The following ZNRF3 variants were observed in gnomAD, a reference collection of about 807,000 sequenced individuals.
ZNRF3 encodes zinc and ring finger 3.
Under a neutral mutation model 72.5 loss-of-function variants are expected in ZNRF3, and 23 were observed. The ratio of observed to expected loss-of-function variants is 0.32; its 90% CI spans 0.23 to 0.45. ZNRF3 has a LOEUF of 0.45. Ranked by LOEUF, ZNRF3 falls within the 20% of genes least tolerant of loss-of-function variation. ZNRF3 has a pLI of 1.00. For missense variants in ZNRF3, 1,169 were observed against 1,272.1 expected (o/e 0.92, Z 1.23); for synonymous variants, 610 against 545.3 (o/e 1.12, Z -1.65).
At chr22:28,891,387 T>C (rs1400104078) in intron 1 of ZNRF3, among the ~76,000 whole-genome samples, 1 of 152,232 alleles carries the variant, frequency 6.6e-6, no homozygotes, top group Non-Finnish European at 1.5e-5. Flanking sequence ...TTAAATTGTA[T>C]ATTGGGTTTA....
intron 2 of ZNRF3, among the ~76,000 whole-genome samples, chr22:29,004,344 G>A (rs1025405936): frequency 2.6e-5 from 4 of 152,206 alleles, no homozygotes; most frequent in Non-Finnish European, 4.4e-5. Context: ...TTTCTCTCCC[G>A]TTAAATTGGA....
intron 1 of ZNRF3, among the ~76,000 whole-genome samples, chr22:28,910,964 G>T (rs1391225193): frequency 6.6e-6 from 1 of 152,184 alleles, no homozygotes; most frequent in Non-Finnish European, 1.5e-5. Context: ...CCATGGCAGG[G>T]CGGGGAGAAA....
intron 1 of ZNRF3, among the ~76,000 whole-genome samples, chr22:28,968,963 C>T (rs896341510): frequency 1.3e-5 from 2 of 152,138 alleles, no homozygotes; most frequent in Non-Finnish European, 2.9e-5. Context: ...AGTGACATGT[C>T]AGGACCACCA....
chr22:28,976,976 C>A (rs1055848226), intron 1 of ZNRF3, among the ~76,000 whole-genome samples: 1 of 152,114 alleles, frequency 6.6e-6, no homozygotes, highest in Non-Finnish European at 1.5e-5. Context: ...AATTCTCTGA[C>A]AAAATGAAAT....
Position 28,971,096 on chromosome 22 carries a change from G to T in ZNRF3, c.301-15980G>T, listed in dbSNP as rs558415374. Reference sequence around the variant, plus strand: ...CCCCGCAAGTTGGGAGGCTAAGGTGGAAGGACTGCTTGAGCCCAGGAGTTT... The same window carrying T: ...CCCCGCAAGTTGGGAGGCTAAGGTGTAAGGACTGCTTGAGCCCAGGAGTTT... On this transcript the variant is annotated intron_variant, in intron 1 of 8. Transcript: ENST00000544604. Among the ~76,000 whole-genome samples the T allele has an allele frequency of 7.9e-5, 12 of 152,336 alleles. No individual in the cohort carries two copies. The East Asian group carries it at 2.3e-3, about 29-fold the overall frequency.
At position 29,038,109 on chromosome 22, in the gene ZNRF3, C is replaced by T. The variant is rs757213235; in HGVS notation, c.427-4386C>T. On this transcript the variant is annotated intron_variant, in intron 2 of 8. Coordinates refer to ENST00000544604, the MANE Select transcript of ZNRF3 (RefSeq NM_001206998.2). ...AGGGCCCCAGCTTCAGAGTTTTGGA[C>T]GTTAAGTATGTGACTTAAAGATCCT... Among the ~76,000 whole-genome samples the T allele has an allele frequency of 5.7e-4, 86 of 152,124 alleles. 1 individual carries two copies. Among genetic ancestry groups the T allele is most frequent in the Non-Finnish European group, 4.4e-4 (30 of 68,024 alleles).
At chr22:29,033,542 G>C (rs1215713730) in intron 2 of ZNRF3, among the ~76,000 whole-genome samples, 1 of 152,124 alleles carries the variant, frequency 6.6e-6, no homozygotes, top group Non-Finnish European at 1.5e-5. Context: ...GTGTTGGGGA[G>C]GGGGCAGGGG....
At chr22:28,937,215 A>ATTT (rs370829828) in intron 1 of ZNRF3, among the ~76,000 whole-genome samples, 19 of 8,828 alleles carry the variant, frequency 2.2e-3, no homozygotes, top group Admixed American at 1.0e-2. Context: ...ATATATATAT[A>ATTT]TTTTTTTTTT....
intron 1 of ZNRF3, among the ~76,000 whole-genome samples, chr22:28,973,953 C>CTTTT (rs553300044): frequency 5.8e-4 from 65 of 111,492 alleles, no homozygotes; most frequent in Non-Finnish European, 8.5e-4. Flanking sequence ...CTCTCTCTCT[C>CTTTT]TTTTTTTTTT....
chr22:28,990,361 A>G (rs539718435), intron 2 of ZNRF3, among the ~76,000 whole-genome samples: 1 of 152,218 alleles, frequency 6.6e-6, no homozygotes, highest in African/African-American at 2.4e-5. Flanking sequence ...AAAATAGAAT[A>G]AAATTGACAT....
chr22:28,884,014 G>A lies in ZNRF3; in HGVS notation c.248G>A (p.Gly83Asp). 7.6e-7 allele frequency: 1 copy of A among 1,318,288 alleles called. No individual in the cohort carries two copies. The highest frequency in any genetic ancestry group is 9.8e-7 in the Non-Finnish European group (1 of 1,016,380). The allele number at this position is 1,318,288 out of a possible 1,614,324, so 81.7% of individuals were successfully genotyped here. A position where few individuals can be genotyped will look rare whatever the true frequency, so the allele number is the denominator to read the frequency against. ...ACCACCTACACCACCGGCCTCACGG[G>A]CCGCTTCTCGCGGGCCGGGGCCACG... is the stretch of plus-strand genomic sequence containing the variant. ...DYTTYTTGLT[G>D]RFSRAGATLS... Residue 83 changes from glycine (G) to aspartate (D), a missense_variant, in exon 1 of 9, where the codon GGC (glycine) becomes GAC (aspartate). Physicochemically the swap from Gly to Asp is moderately conservative, Grantham distance 94 (BLOSUM62 -1). Around this residue, in one of 2 missense-constraint regions of ZNRF3, gnomAD observed 386 missense variants for 540.7 expected, o/e 0.71. Transcript: ENST00000544604.
At chr22:28,939,803 A>G (rs1382762905) in intron 1 of ZNRF3, among the ~76,000 whole-genome samples, 2 of 152,116 alleles carry the variant, frequency 1.3e-5, no homozygotes, top group Non-Finnish European at 1.5e-5. Flanking sequence ...TGGAGCTTAC[A>G]TGTTATGGTT....
intron 2 of ZNRF3, among the ~76,000 whole-genome samples, chr22:29,033,736 T>G (rs531259892): frequency 6.6e-6 from 1 of 152,226 alleles, no homozygotes; most frequent in South Asian, 2.1e-4. Context: ...GGGCTGCAGT[T>G]TTGACTTTGC....
At chr22:28,947,036 G>C (rs2035064973) in intron 1 of ZNRF3, among the ~76,000 whole-genome samples, 1 of 152,220 alleles carries the variant, frequency 6.6e-6, no homozygotes, top group African/African-American at 2.4e-5. Flanking sequence ...AAACTAGAAT[G>C]CTGCACTTCT....
chr22:29,002,663 A>AG (rs2036169551), intron 2 of ZNRF3, among the ~76,000 whole-genome samples: 1 of 152,224 alleles, frequency 6.6e-6, no homozygotes, highest in Non-Finnish European at 1.5e-5. Context: ...TATTCTCAGA[A>AG]GGGGATATAG....
intron 2 of ZNRF3, among the ~76,000 whole-genome samples, chr22:29,016,161 T>C (rs4823004): frequency 6.6e-6 from 1 of 152,210 alleles, no homozygotes; most frequent in African/African-American, 2.4e-5. Context: ...TCATAGTTCA[T>C]GCAGACCTGC....
At chr22:29,007,579 G>A (rs1451248407) in intron 2 of ZNRF3, among the ~76,000 whole-genome samples, 1 of 152,008 alleles carries the variant, frequency 6.6e-6, no homozygotes, top group East Asian at 1.9e-4. Flanking sequence ...AGTGAGCTGA[G>A]CTGTGATCGC....
At chr22:28,899,358 C>T (rs540058964) in intron 1 of ZNRF3, among the ~76,000 whole-genome samples, 2 of 152,258 alleles carry the variant, frequency 1.3e-5, no homozygotes, top group African/African-American at 4.8e-5. Flanking sequence ...AAGTTCTATA[C>T]GAATGTGGTG....
rs771086375 is a variant in ZNRF3 at position 29,049,495 on chromosome 22, G to A, written c.1314G>A (p.Arg438=). The A allele has an allele frequency of 4.4e-6, 7 of 1,604,848 alleles. No homozygotes were observed. In the South Asian group the frequency reaches 6.6e-5, roughly 15 times the overall value. Residue 438 remains arginine (R), a synonymous_variant, in exon 8 of 9, where the codon CGG becomes CGA. Transcript: ENST00000544604. This position sits in a 1 kb window ranked among gnomAD's most constrained non-coding sequence, Gnocchi z 5.2. ...CTCACCGCTGCGGCCTGGAGCACCGGGCCTACTCCCCAGCCCACCCCTTCC... is the reference window on the plus strand; with the variant it reads ...CTCACCGCTGCGGCCTGGAGCACCGAGCCTACTCCCCAGCCCACCCCTTCC... The part of the protein sequence containing the change: ...LAAHRCGLEH[R]AYSPAHPFRR...
Sources: allele counts gnomAD v4.1 joint callset (sites outside exome capture counted in the v4.1 genomes callset), GRCh38; gene constraint gnomAD v4.1.1; regional missense constraint gnomAD v4.1.1; non-coding constraint Gnocchi (gnomAD v3.1); transcripts MANE v1.5; gene names NCBI Gene and HGNC (gene_info 2026-07-23, HGNC 2026-07-21).